The following GRIK4 variants were observed in gnomAD, a reference collection of about 807,000 sequenced individuals.
GRIK4 encodes the protein glutamate receptor ionotropic, kainate 4.
A neutral mutation model predicts 104.9 loss-of-function variants in GRIK4; 40 were observed. The ratio of observed to expected loss-of-function variants is 0.38; its 90% CI spans 0.30 to 0.50. The LOEUF is 0.50. GRIK4 is among the 20% of genes least tolerant of loss of function. The pLI, the probability that GRIK4 is intolerant of heterozygous loss-of-function variation, is 0.93. For synonymous variants in GRIK4, 485 were observed against 524.9 expected (o/e 0.92, Z 1.04); for missense variants, 1,047 against 1,308.1 (o/e 0.80, Z 3.08).
intron 3 of GRIK4, among the ~76,000 whole-genome samples, chr11:120,675,373 G>A (rs10892602): frequency 0.16 from 23,661 of 152,072 alleles, 1,996 homozygotes; most frequent in South Asian, 0.23. Flanking sequence ...GTCTGGCCTG[G>A]ATCCAAAATT....
At chr11:120,564,404 G>A (rs1591697046) in intron 1 of GRIK4, 1 of 152,286 alleles carries the variant, frequency 6.6e-6, no homozygotes, top group Admixed American at 6.5e-5. Context: ...CTAATCAGGG[G>A]GCGCCCGCCC....
chr11:120,628,151 T>G (rs532449713), intron 1 of GRIK4, among the ~76,000 whole-genome samples: 55 of 152,282 alleles, frequency 3.6e-4, no homozygotes, highest in Non-Finnish European at 6.9e-4. Context: ...GTTATCCAGA[T>G]GGCTCAAATG....
intron 1 of GRIK4, among the ~76,000 whole-genome samples, chr11:120,573,802 C>T (rs1948436939): frequency 6.6e-6 from 1 of 152,182 alleles, no homozygotes; most frequent in Non-Finnish European, 1.5e-5. Flanking sequence ...GGCTCAGGGA[C>T]CCTCTCCCAG....
intron 3 of GRIK4, among the ~76,000 whole-genome samples, chr11:120,703,084 G>A (rs1409409382): frequency 6.6e-6 from 1 of 152,200 alleles, no homozygotes; most frequent in Non-Finnish European, 1.5e-5. Context: ...TGATGGCAAT[G>A]TTCTGTATCT....
intron 1 of GRIK4, among the ~76,000 whole-genome samples, chr11:120,541,254 A>C (rs2253134): frequency 0.72 from 110,255 of 152,190 alleles, 40,119 homozygotes; most frequent in Admixed American, 0.77. Context: ...GAGCTGATTG[A>C]CCCCTCCTTT....
intron 1 of GRIK4, among the ~76,000 whole-genome samples, chr11:120,620,664 G>A (rs533583696): frequency 6.6e-6 from 1 of 152,258 alleles, no homozygotes; most frequent in Non-Finnish European, 1.5e-5. Flanking sequence ...GCTGTTCATA[G>A]CCTTGTGGAA....
At chr11:120,845,361 T>A (rs983012661) in intron 8 of GRIK4, among the ~76,000 whole-genome samples, 1 of 152,218 alleles carries the variant, frequency 6.6e-6, no homozygotes, top group African/African-American at 2.4e-5. Context: ...CATAACATTA[T>A]TTTGTGAAGA....
intron 3 of GRIK4, among the ~76,000 whole-genome samples, chr11:120,761,610 T>C (rs1951750106): frequency 6.6e-6 from 1 of 152,214 alleles, no homozygotes; most frequent in African/African-American, 2.4e-5. Context: ...TAATTCATCT[T>C]GAGTTAATTT....
chr11:120,666,734 A>G (rs759743849), intron 3 of GRIK4, among the ~76,000 whole-genome samples: 3 of 152,136 alleles, frequency 2.0e-5, no homozygotes, highest in Non-Finnish European at 4.4e-5. Flanking sequence ...TTATGGGCTG[A>G]TGGTATCTAT....
rs1253630786 is a variant in GRIK4 at position 120,513,319 on chromosome 11, G to C, written c.-159+1432G>C. Among the ~76,000 whole-genome samples, 1 of 152,162 alleles carries C rather than the reference G, an allele frequency of 6.6e-6. No homozygotes were observed. The highest frequency in any genetic ancestry group is 1.5e-5 in the Non-Finnish European group (1 of 68,040). ...GGAAACTGCGGGCGTGGTATCTCCG[G>C]GGAGAGAGGCCGCCTGGGTTGGTAG... is the stretch of plus-strand genomic sequence containing the variant. On this transcript the variant is annotated intron_variant, in intron 1 of 20. Coordinates refer to ENST00000527524, the MANE Select transcript of GRIK4 (RefSeq NM_014619.5). The surrounding 1 kb of genome is among the most constrained non-coding windows in gnomAD (Gnocchi z 4.5).
intron 8 of GRIK4, among the ~76,000 whole-genome samples, chr11:120,849,579 C>A (rs1035874732): frequency 3.3e-5 from 5 of 152,230 alleles, no homozygotes; most frequent in African/African-American, 1.2e-4. Flanking sequence ...AGATGCCATG[C>A]CCAGCACCTT....
At chr11:120,923,795 C>T (rs1339553763) in intron 13 of GRIK4, among the ~76,000 whole-genome samples, 2 of 152,146 alleles carry the variant, frequency 1.3e-5, no homozygotes, top group East Asian at 1.9e-4. Flanking sequence ...AAAGCAAGTT[C>T]AGAGAGGCTA....
At chr11:120,846,905 G>T (rs1030308290) in intron 8 of GRIK4, among the ~76,000 whole-genome samples, 1 of 152,108 alleles carries the variant, frequency 6.6e-6, no homozygotes, top group African/African-American at 2.4e-5. Flanking sequence ...CATCTGGCTG[G>T]CTCATCCCTG....
chr11:120,876,148 A>AC (rs1954784553), intron 11 of GRIK4, among the ~76,000 whole-genome samples: 1 of 148,048 alleles, frequency 6.8e-6, no homozygotes, highest in Admixed American at 6.7e-5. Flanking sequence ...TGTCATCATC[A>AC]CCACCACCAC....
chr11:120,804,288 G>A (rs1052537328), intron 4 of GRIK4, among the ~76,000 whole-genome samples: 1 of 152,224 alleles, frequency 6.6e-6, no homozygotes, highest in Non-Finnish European at 1.5e-5. Context: ...AAATACATCT[G>A]TTCTTCCATC....
At chr11:120,601,654 T>TTG (rs1192132096) in intron 1 of GRIK4, among the ~76,000 whole-genome samples, 1 of 149,554 alleles carries the variant, frequency 6.7e-6, no homozygotes, top group Non-Finnish European at 1.5e-5. Flanking sequence ...GTGGTTTTTT[T>TTG]TTTTTTTTTT....
At chr11:120,756,013 C>G (rs1002745187) in intron 3 of GRIK4, among the ~76,000 whole-genome samples, 20 of 152,158 alleles carry the variant, frequency 1.3e-4, no homozygotes, top group African/African-American at 4.8e-4. Flanking sequence ...TCATGAGACT[C>G]TGTTCTGTGT....
chr11:120,620,154 T>C (rs910441719), intron 1 of GRIK4: 15 of 840,094 alleles, frequency 1.8e-5, no homozygotes, highest in Non-Finnish European at 3.0e-5. Flanking sequence ...TCATGCCTGA[T>C]GTTAATGCAT....
intron 1 of GRIK4, among the ~76,000 whole-genome samples, chr11:120,612,339 A>T (rs1398622379): frequency 6.6e-6 from 1 of 152,106 alleles, no homozygotes; most frequent in Non-Finnish European, 1.5e-5. Flanking sequence ...CTGTTATCTC[A>T]TTGTAATGCT....
Sources: gnomAD v4.1 joint callset for allele counts (sites outside exome capture counted in the v4.1 genomes callset) on GRCh38, gnomAD v4.1.1 for gene constraint, Gnocchi (gnomAD v3.1) non-coding constraint, MANE v1.5 for transcripts, NCBI Gene and HGNC (gene_info 2026-07-23, HGNC 2026-07-21) for gene names.